Variants in IP6K2 observed in about 807,000 individuals in gnomAD.
The protein encoded by IP6K2 is inositol hexakisphosphate kinase 2, also known as ATP:1D-myo-inositol-hexakisphosphate phosphotransferase.
In IP6K2, 9 loss-of-function variants were observed where a neutral mutation model predicts 43.3. The ratio of observed to expected loss-of-function variants is 0.21; its 90% CI spans 0.13 to 0.36. The LOEUF (loss-of-function observed/expected upper bound fraction) is 0.36, where lower values mean the gene tolerates loss of function less well. Among genes scored for constraint, IP6K2 ranks in the 10% least tolerant of loss-of-function variants. The pLI is 1.00. For missense variants in IP6K2, 332 were observed against 538.4 expected (o/e 0.62, Z 3.79); for synonymous variants, 209 against 202.4 (o/e 1.03, Z -0.28).
At chr3:48,694,428 T>C in intron 2 of IP6K2, 1 of 1,548,190 alleles carries the variant, frequency 6.5e-7, no homozygotes, top group South Asian at 1.2e-5. Context: ...GTAATGCACA[T>C]TTAAAATTAA....
At chr3:48,697,107 G>A (rs1185866420) in intron 1 of IP6K2, among the ~76,000 whole-genome samples, 1 of 148,906 alleles carries the variant, frequency 6.7e-6, no homozygotes, top group South Asian at 2.1e-4. Context: ...TGCAAGCTCC[G>A]CCTCCCAGGT....
chr3:48,707,363 C>T (rs1373759631), intron 1 of IP6K2, among the ~76,000 whole-genome samples: 3 of 152,162 alleles, frequency 2.0e-5, no homozygotes, highest in Non-Finnish European at 4.4e-5. Context: ...ACCACAACAC[C>T]ACAACACGCA....
Position 48,695,611 on chromosome 3 carries a change from G to A in IP6K2, c.-130-190C>T. 1 of 666,566 alleles carries A rather than the reference G, an allele frequency of 1.5e-6. No individual in the cohort carries two copies. The allele number at this position is 666,566 out of a possible 1,614,324, so 41.3% of individuals were successfully genotyped here. ...AACAAAAACACTATGAGCTCATGGG[G>A]CGGGGTTAGATGCAGACAGGCAGGG... On this transcript the variant is annotated intron_variant, in intron 1 of 5. Transcript: ENST00000328631. The surrounding 1 kb of genome is among the most constrained non-coding windows in gnomAD (Gnocchi z 4.6).
chr3:48,689,727 A>T lies in IP6K2; in HGVS notation c.605-14T>A. Reference sequence around the variant, plus strand: ...GTAAGATAAATTCTGAGTAGTTAAGAATAATACCCCCAAAAGGAAGTGCTA... The same window carrying T: ...GTAAGATAAATTCTGAGTAGTTAAGTATAATACCCCCAAAAGGAAGTGCTA... On this transcript the variant is annotated splice_polypyrimidine_tract_variant and intron_variant, in intron 4 of 5. Coordinates refer to ENST00000328631, the MANE Select transcript of IP6K2 (RefSeq NM_016291.4). 1 of 1,611,420 alleles carries T rather than the reference A, an allele frequency of 6.2e-7. No individual in the cohort carries two copies. Among genetic ancestry groups the T allele is most frequent in the South Asian group, 1.1e-5 (1 of 90,978 alleles).
intron 3 of IP6K2, among the ~76,000 whole-genome samples, chr3:48,691,931 C>T (rs575045507): frequency 6.6e-5 from 10 of 152,102 alleles, no homozygotes; most frequent in Admixed American, 1.3e-4. Flanking sequence ...CTGCAACCTA[C>T]GCCTCCCGGT....
intron 2 of IP6K2, chr3:48,694,097 C>T: frequency 6.8e-7 from 1 of 1,479,788 alleles, no homozygotes; most frequent in Non-Finnish European, 9.0e-7. Context: ...AGAGAGATGA[C>T]ACTTCTGAGG....
intron 1 of IP6K2, among the ~76,000 whole-genome samples, chr3:48,705,900 AAAATAAAAT>A (rs1287557360): frequency 3.5e-5 from 3 of 84,772 alleles, no homozygotes; most frequent in Non-Finnish European, 5.0e-5. Context: ...ATAATAAAAT[AAAATAAAAT>A]AAAAAAAAAC....
intron 4 of IP6K2, among the ~76,000 whole-genome samples, chr3:48,690,930 C>A (rs927775833): frequency 2.0e-5 from 3 of 152,120 alleles, no homozygotes; most frequent in African/African-American, 7.2e-5. Flanking sequence ...CTCACCCAAA[C>A]ACCCCAGCCC....
chr3:48,706,780 C>T (rs2106981153), intron 1 of IP6K2, among the ~76,000 whole-genome samples: 1 of 152,212 alleles, frequency 6.6e-6, no homozygotes, highest in Admixed American at 6.5e-5. Flanking sequence ...GCTGAGGCTG[C>T]AGTGAACCTG....
chr3:48,688,438 G>A lies in IP6K2; in HGVS notation c.1116C>T (p.Ile372=), dbSNP rs950221667. Residue 372 remains isoleucine, a synonymous_variant, in exon 6 of 6, where the codon ATC becomes ATT. Transcript: ENST00000328631. The surrounding 1 kb of genome is among the most constrained non-coding windows in gnomAD (Gnocchi z 5.1). ...TGCGCACATCTACAGAGCTGGCGCCGATGGGTTTGTAGGCATAGGCACCAG... is the reference window on the plus strand; with the variant it reads ...TGCGCACATCTACAGAGCTGGCGCCAATGGGTTTGTAGGCATAGGCACCAG... ...ESAGAYAYKP[I]GASSVDVRMI... 10 of 1,614,184 alleles carry A rather than the reference G, an allele frequency of 6.2e-6. No homozygotes were observed. Among genetic ancestry groups the A allele is most frequent in the African/African-American group, 1.3e-5 (1 of 75,040 alleles).
intron 1 of IP6K2, among the ~76,000 whole-genome samples, chr3:48,699,988 G>A (rs537283940): frequency 2.0e-5 from 3 of 152,140 alleles, no homozygotes; most frequent in Non-Finnish European, 2.9e-5. Context: ...TCAGGAATTC[G>A]AGACTAGCCT....
chr3:48,690,796 A>G (rs1467832037), intron 4 of IP6K2, among the ~76,000 whole-genome samples: 4 of 151,226 alleles, frequency 2.6e-5, no homozygotes, highest in Middle Eastern at 3.4e-3. Flanking sequence ...TCAAAAAAAA[A>G]AAAAAAAGAA....
intron 1 of IP6K2, among the ~76,000 whole-genome samples, chr3:48,713,695 C>T (rs768716530): frequency 1.6e-4 from 25 of 151,740 alleles, no homozygotes; most frequent in South Asian, 2.1e-4. Flanking sequence ...TGGTGCCACG[C>T]GCCTGTAATC....
chr3:48,708,773 T>C (rs1283941105), intron 1 of IP6K2, among the ~76,000 whole-genome samples: 1 of 152,098 alleles, frequency 6.6e-6, no homozygotes, highest in Admixed American at 6.6e-5. Context: ...CATATGCCAA[T>C]AAGTAATGGT....
intron 2 of IP6K2, chr3:48,693,931 G>A: frequency 7.4e-7 from 1 of 1,347,078 alleles, no homozygotes; most frequent in Non-Finnish European, 9.5e-7. Context: ...AATTAAGACA[G>A]TCTTTGAGGA....
At position 48,699,196 on chromosome 3, in the gene IP6K2, A is replaced by G. The variant is rs142379592; in HGVS notation, c.-130-3775T>C. Among the ~76,000 whole-genome samples, 181 of 152,220 alleles carry G rather than the reference A, an allele frequency of 1.2e-3. No individual in the cohort carries two copies. The Middle Eastern group carries it at 0.017, about 14-fold the overall frequency. ...AGGCCTAAGCGGGTGGAATCACCTG[A>G]GGTCTGGAGTTCGAGACCAGCCTGA... is the stretch of plus-strand genomic sequence containing the variant. On this transcript the variant is annotated intron_variant, in intron 1 of 5. Coordinates refer to ENST00000328631, the MANE Select transcript of IP6K2 (RefSeq NM_016291.4).
Position 48,688,046 on chromosome 3 carries a change from GAAGA to G in IP6K2, c.*223_*226del. The G allele has an allele frequency of 3.5e-6, 2 of 579,260 alleles. No individual in the cohort carries two copies. The highest frequency in any genetic ancestry group is 6.2e-6 in the Non-Finnish European group (2 of 324,436). The allele number at this position is 579,260 out of a possible 1,614,324, so 35.9% of individuals were successfully genotyped here. ...TTGTATTAGAACATATACACTCAGG[GAAGA>G]AAGAGGTATCATCATCAAATGTGGA... On this transcript the variant is annotated 3_prime_UTR_variant, in exon 6 of 6. Coordinates refer to ENST00000328631, the MANE Select transcript of IP6K2 (RefSeq NM_016291.4). The surrounding 1 kb of genome is among the most constrained non-coding windows in gnomAD (Gnocchi z 5.1).
intron 1 of IP6K2, among the ~76,000 whole-genome samples, chr3:48,711,053 C>T (rs556508521): frequency 3.3e-5 from 5 of 152,240 alleles, no homozygotes; most frequent in African/African-American, 1.2e-4. Flanking sequence ...GGACTACAGG[C>T]ACATGCCACC....
intron 1 of IP6K2, among the ~76,000 whole-genome samples, chr3:48,715,795 C>G (rs942736079): frequency 6.8e-6 from 1 of 148,122 alleles, no homozygotes; most frequent in Non-Finnish European, 1.5e-5. Context: ...AAGTGATTCT[C>G]CATTTGATTT....
Sources: allele counts gnomAD v4.1 joint callset (sites outside exome capture counted in the v4.1 genomes callset), GRCh38; gene constraint gnomAD v4.1.1; non-coding constraint Gnocchi (gnomAD v3.1); transcripts MANE v1.5; gene names NCBI Gene and HGNC (gene_info 2026-07-23, HGNC 2026-07-21).